SH3RF3: variants seen among roughly 807,000 people sequenced by gnomAD.
SH3RF3 encodes SH3 domain containing ring finger 3.
Under a neutral mutation model 66.3 loss-of-function variants are expected in SH3RF3, and 29 were observed. That is an observed-to-expected ratio of 0.44 (90% CI 0.33 to 0.60). SH3RF3 has a LOEUF of 0.60. SH3RF3 is among the 20% of genes least tolerant of loss of function. The pLI is 0.04. For missense variants in SH3RF3, 1,194 were observed against 1,190.9 expected (o/e 1.00, Z -0.04); for synonymous variants, 583 against 532.0 (o/e 1.10, Z -1.32).
intron 7 of SH3RF3, among the ~76,000 whole-genome samples, chr2:109,448,099 T>C (rs1251415924): frequency 1.3e-5 from 2 of 152,120 alleles, no homozygotes. Flanking sequence ...ATACCCAGTG[T>C]GGAAACCAAG....
chr2:109,476,056 A>G (rs1159895312), intron 8 of SH3RF3, among the ~76,000 whole-genome samples: 1 of 152,230 alleles, frequency 6.6e-6, no homozygotes, highest in Non-Finnish European at 1.5e-5. Context: ...AGTTAGCAGT[A>G]CTGTACGGTA....
chr2:109,229,802 AT>A (rs1008761981), intron 1 of SH3RF3, among the ~76,000 whole-genome samples: 4 of 147,792 alleles, frequency 2.7e-5, no homozygotes, highest in African/African-American at 5.0e-5. Context: ...ATGTGTTTAG[AT>A]TTTTTTTCTT....
chr2:109,287,573 A>G (rs1681057108), intron 1 of SH3RF3, among the ~76,000 whole-genome samples: 1 of 152,160 alleles, frequency 6.6e-6, no homozygotes. Context: ...TTGGTGCTGG[A>G]GACTGCATCA....
At chr2:109,165,730 C>G (rs544962676) in intron 1 of SH3RF3, among the ~76,000 whole-genome samples, 9 of 152,160 alleles carry the variant, frequency 5.9e-5, no homozygotes. Flanking sequence ...TTTCTGCTGC[C>G]CCCACTCTCC....
intron 1 of SH3RF3, among the ~76,000 whole-genome samples, chr2:109,145,304 A>G (rs1558924714): frequency 6.6e-6 from 1 of 151,978 alleles, no homozygotes; most frequent in Non-Finnish European, 1.5e-5. Context: ...TTACAAGCCC[A>G]CTCAGCCCCC....
Position 109,419,604 on chromosome 2 carries a change from G to T in SH3RF3, c.1365G>T (p.Glu455Asp). ...CACGGGCTGCCTCGGTGTCTGGAGA[G>T]CAGGGCACGCCTCCCAAGGTCCAGC... ...AVPRAASVSGEQGTPPKVQLP... is the reference protein window; with the variant it reads ...AVPRAASVSGDQGTPPKVQLP... Residue 455 changes from glutamate to aspartate, a missense_variant, in exon 5 of 10, where the codon GAG (glutamate) becomes GAT (aspartate). Glu to Asp is a conservative substitution (Grantham distance 45). Transcript: ENST00000309415. The T allele has an allele frequency of 6.3e-7, 1 of 1,594,010 alleles. No homozygotes were observed. Among genetic ancestry groups the T allele is most frequent in the Non-Finnish European group, 8.5e-7 (1 of 1,171,538 alleles).
At chr2:109,488,552 C>T (rs555464346) in intron 8 of SH3RF3, among the ~76,000 whole-genome samples, 1 of 152,324 alleles carries the variant, frequency 6.6e-6, no homozygotes, top group Admixed American at 6.5e-5. Flanking sequence ...TCACTCCCTG[C>T]CCCCAGGCAC....
chr2:109,336,297 A>G (rs1018789836), intron 1 of SH3RF3, among the ~76,000 whole-genome samples: 1 of 152,170 alleles, frequency 6.6e-6, no homozygotes, highest in Non-Finnish European at 1.5e-5. Context: ...ACAACCAAAG[A>G]CCCATTTTTA....
At chr2:109,157,735 A>G (rs1336854169) in intron 1 of SH3RF3, among the ~76,000 whole-genome samples, 1 of 152,180 alleles carries the variant, frequency 6.6e-6, no homozygotes, top group Non-Finnish European at 1.5e-5. Flanking sequence ...CTGAGATGCC[A>G]TACAAATTTC....
intron 4 of SH3RF3, among the ~76,000 whole-genome samples, chr2:109,414,782 C>T (rs992757478): frequency 3.9e-5 from 6 of 152,234 alleles, no homozygotes; most frequent in Non-Finnish European, 8.8e-5. Context: ...GTCTCTCCAG[C>T]AGCATTTCCA....
intron 3 of SH3RF3, among the ~76,000 whole-genome samples, chr2:109,377,914 A>G (rs1468686080): frequency 1.3e-5 from 2 of 152,242 alleles, no homozygotes; most frequent in Non-Finnish European, 2.9e-5. Context: ...TAAAGGCACA[A>G]CGACAGCTCT....
At chr2:109,249,523 C>G in intron 1 of SH3RF3, among the ~76,000 whole-genome samples, 1 of 107,346 alleles carries the variant, frequency 9.3e-6, no homozygotes, top group East Asian at 2.8e-4. Flanking sequence ...CTTTCTTTTT[C>G]TTTCTTTCTT....
rs534267833 is a variant in SH3RF3, at chr2:109,169,702, C to A, written c.573+39589C>A. Among the ~76,000 whole-genome samples, 27 of 151,840 alleles carry A rather than the reference C, an allele frequency of 1.8e-4. 1 individual carries two copies. The East Asian group carries it at 2.9e-3, about 16-fold the overall frequency. ...TTTCATTGTTTGGCTATATCTCTCT[C>A]TCTATATATATCTATATATATAACC... On this transcript the variant is annotated intron_variant, in intron 1 of 9. Transcript: ENST00000309415.
At chr2:109,289,873 C>T (rs116290194) in intron 1 of SH3RF3, among the ~76,000 whole-genome samples, 7 of 152,120 alleles carry the variant, frequency 4.6e-5, no homozygotes, top group African/African-American at 1.7e-4. Flanking sequence ...TATCGCATTG[C>T]GGGTTTGAAC....
intron 1 of SH3RF3, among the ~76,000 whole-genome samples, chr2:109,337,852 C>T (rs1483308878): frequency 1.3e-5 from 2 of 151,850 alleles, no homozygotes; most frequent in African/African-American, 2.4e-5. Flanking sequence ...CTCAGCCTCC[C>T]GAGTAGCTGG....
chr2:109,359,473 C>T (rs1249030080), intron 2 of SH3RF3, among the ~76,000 whole-genome samples: 1 of 152,222 alleles, frequency 6.6e-6, no homozygotes, highest in Non-Finnish European at 1.5e-5. Context: ...TCCCTATATA[C>T]ATCTTGCACA....
intron 1 of SH3RF3, among the ~76,000 whole-genome samples, chr2:109,243,659 G>A (rs1373733314): frequency 6.6e-6 from 1 of 152,140 alleles, no homozygotes; most frequent in Non-Finnish European, 1.5e-5. Context: ...TGAGTGGTGA[G>A]AAGGGGCCAG....
rs569509984 is a variant in SH3RF3, at chr2:109,495,477, C to CTTTTTTTTT, written c.2480+4565_2480+4573dup. Among the ~76,000 whole-genome samples the CTTTTTTTTT allele has an allele frequency of 5.0e-4, 47 of 94,270 alleles. 6 individuals are homozygous for CTTTTTTTTT. The highest frequency in any genetic ancestry group is 1.2e-3 in the African/African-American group (26 of 21,906). The allele number at this position is 94,270 out of a possible 152,430, so 61.8% of individuals were successfully genotyped here. ...ATTTCATCCTGAATATCTTTCATTC[C>CTTTTTTTTT]TTTTTTTTTTTTTTTTTTTTTTTTT... On this transcript the variant is annotated intron_variant, in intron 9 of 9. Transcript: ENST00000309415.
intron 5 of SH3RF3, among the ~76,000 whole-genome samples, chr2:109,429,408 T>G (rs563665640): frequency 2.0e-5 from 3 of 152,184 alleles, no homozygotes; most frequent in African/African-American, 7.2e-5. Context: ...AGGCCGAACT[T>G]AAAATAGAGA....
Sources: gnomAD v4.1 joint callset for allele counts (sites outside exome capture counted in the v4.1 genomes callset) on GRCh38, gnomAD v4.1.1 for gene constraint, MANE v1.5 for transcripts, NCBI Gene and HGNC (gene_info 2026-07-23, HGNC 2026-07-21) for gene names.